ATP2A1: variants seen among roughly 807,000 people sequenced by gnomAD.
The protein encoded by ATP2A1 is sarcoplasmic/endoplasmic reticulum calcium ATPase 1.
A neutral mutation model predicts 109.5 loss-of-function variants in ATP2A1; 83 were observed. The ratio of observed to expected loss-of-function variants is 0.76; its 90% CI spans 0.63 to 0.91. ATP2A1 has a LOEUF of 0.91. Ranked by LOEUF, ATP2A1 falls within the 40% of genes least tolerant of loss-of-function variation. The pLI, the probability that ATP2A1 is intolerant of heterozygous loss-of-function variation, is 0.00. For missense variants in ATP2A1, 1,101 were observed against 1,341.0 expected, an observed-to-expected ratio of 0.82 and a Z score of 2.80; for synonymous variants, 505 against 537.6, an observed-to-expected ratio of 0.94 and a Z score of 0.84.
At chr16:28,895,578 C>T (rs1963898363) in intron 12 of ATP2A1, among the ~76,000 whole-genome samples, 1 of 151,752 alleles carries the variant, frequency 6.6e-6, no homozygotes, top group African/African-American at 2.4e-5. Context: ...ATAGTCCCAG[C>T]ATTCTGGGAG....
intron 3 of ATP2A1, 72 bp downstream of exon 3, chr16:28,879,655 G>A: frequency 6.7e-7 from 1 of 1,495,140 alleles, no homozygotes; most frequent in Non-Finnish European, 9.2e-7. Flanking sequence ...GGGGCTCGCA[G>A]TCACTGGATC....
In ATP2A1 at chr16:28,898,582, A is replaced by G; in HGVS notation, c.1764+131A>G. 3 of 1,079,144 alleles carry G rather than the reference A, an allele frequency of 2.8e-6. No homozygotes were observed. The highest frequency in any genetic ancestry group is 4.1e-6 in the Non-Finnish European group (3 of 736,776). The allele number at this position is 1,079,144 out of a possible 1,614,324, so 66.8% of individuals were successfully genotyped here. ...AGTTGATGGCTCCTTAGTACAGGCCATGGAATCACAGGACAGTAGAGTTTC... is the reference window on the plus strand; with the variant it reads ...AGTTGATGGCTCCTTAGTACAGGCCGTGGAATCACAGGACAGTAGAGTTTC... On this transcript the variant is annotated intron_variant, in intron 14 of 22. Transcript: ENST00000395503. This position sits in a 1 kb window ranked among gnomAD's most constrained non-coding sequence, Gnocchi z 4.0.
intron 9 of ATP2A1, among the ~76,000 whole-genome samples, chr16:28,890,190 T>C (rs1195804838): frequency 1.3e-5 from 2 of 150,032 alleles, no homozygotes; most frequent in African/African-American, 4.9e-5. Context: ...CCAGGGGTGG[T>C]GGCTCACGTC....
intron 3 of ATP2A1, 23 bp downstream of exon 3, chr16:28,879,606 G>T: frequency 6.2e-7 from 1 of 1,611,394 alleles, no homozygotes; most frequent in Middle Eastern, 1.7e-4. Flanking sequence ...GGGTCTCTGG[G>T]GGCTGGCTGG....
In ATP2A1 at chr16:28,882,436, AC is replaced by A; in HGVS notation, c.325-12del. 1 of 1,613,754 alleles carries A rather than the reference AC, an allele frequency of 6.2e-7. No individual in the cohort carries two copies. The highest frequency in any genetic ancestry group is 1.3e-5 in the African/African-American group (1 of 74,926). On this transcript the variant is annotated splice_polypyrimidine_tract_variant and intron_variant, in intron 4 of 22. Transcript: ENST00000395503. ...TCCTGTGTATAACCCTGCCTCCTCC[AC>A]CCTGTCTCCTCAGGAGCGGAACGCA...
chr16:28,878,889 A>C, intron 1 of ATP2A1, 100 bp downstream of exon 1: 1 of 1,428,434 alleles, frequency 7.0e-7, no homozygotes, highest in Non-Finnish European at 9.9e-7. Flanking sequence ...GGGTTTCTTA[A>C]GGAAGAGCTG....
chr16:28,889,096 T>A (rs1388380148), intron 9 of ATP2A1, 143 bp downstream of exon 9: 4 of 1,233,836 alleles, frequency 3.2e-6, no homozygotes, highest in Non-Finnish European at 4.6e-6. Flanking sequence ...TAGAACGCCA[T>A]CCTGTCTGCC....
chr16:28,884,674 G>C lies in ATP2A1; in HGVS notation c.544+19G>C. ...CTGACAGGTCTGCTGGCCTGGGTGG[G>C]AAGATGCATGGGGGTGGGACGTGGG... On this transcript the variant is annotated intron_variant, in intron 6 of 22. Coordinates refer to ENST00000395503, the MANE Select transcript of ATP2A1 (RefSeq NM_004320.6). 6.3e-7 allele frequency: 1 copy of C among 1,584,020 alleles called. No homozygotes were observed. The highest frequency in any genetic ancestry group is 8.6e-7 in the Non-Finnish European group (1 of 1,160,910).
chr16:28,894,312 C>T, intron 10 of ATP2A1, 69 bp downstream of exon 10: 1 of 1,485,182 alleles, frequency 6.7e-7, no homozygotes, highest in Non-Finnish European at 9.3e-7. Flanking sequence ...TCCCTGGGGC[C>T]CTCCATGTGG....
chr16:28,897,695 C>G (rs1334682619), intron 12 of ATP2A1, among the ~76,000 whole-genome samples: 1 of 152,114 alleles, frequency 6.6e-6, no homozygotes, highest in Non-Finnish European at 1.5e-5. Context: ...GTCTCGAACT[C>G]CTGACCTCAA....
Position 28,900,563 on chromosome 16 carries a change from T to C in ATP2A1, c.1765-18T>C. On this transcript the variant is annotated intron_variant, in intron 14 of 22. Coordinates refer to ENST00000395503, the MANE Select transcript of ATP2A1 (RefSeq NM_004320.6). ...CAGATCCCCACCTGACCTGTGGCTCTCTGCTGTATCTCCCCAGACGGACCT... is the reference window on the plus strand; with the variant it reads ...CAGATCCCCACCTGACCTGTGGCTCCCTGCTGTATCTCCCCAGACGGACCT... 1 of 1,538,888 alleles carries C rather than the reference T, an allele frequency of 6.5e-7. No individual in the cohort carries two copies. Among genetic ancestry groups the C allele is most frequent in the Non-Finnish European group, 8.8e-7 (1 of 1,141,224 alleles).
Position 28,887,464 on chromosome 16 carries a change from G to T in ATP2A1, c.670G>T (p.Ala224Ser). 5.0e-6 allele frequency: 8 copies of T among 1,613,994 alleles called. No homozygotes were observed. Among genetic ancestry groups the T allele is most frequent in the African/African-American group, 1.3e-5 (1 of 75,008 alleles). ...AGCCGGCAAGGCCTTGGGCATCGTGGCCACCACTGGTGTGGGCACCGAGAT... is the reference window on the plus strand; with the variant it reads ...AGCCGGCAAGGCCTTGGGCATCGTGTCCACCACTGGTGTGGGCACCGAGAT... ...IAAGKALGIVATTGVGTEIGK... is the reference protein window; with the variant it reads ...IAAGKALGIVSTTGVGTEIGK... Residue 224 changes from alanine to serine, a missense_variant, in exon 8 of 23, where the codon GCC becomes TCC. Ala to Ser is a moderately conservative substitution (Grantham distance 99). Transcript: ENST00000395503.
chr16:28,887,659 T>A lies in ATP2A1; in HGVS notation c.865T>A (p.Phe289Ile). 1 of 1,614,154 alleles carries A rather than the reference T, an allele frequency of 6.2e-7. No individual in the cohort carries two copies. The highest frequency in any genetic ancestry group is 2.2e-5 in the East Asian group (1 of 44,876). Residue 289 changes from phenylalanine to isoleucine, a missense_variant, in exon 8 of 23, where the codon TTC becomes ATC. Coordinates refer to ENST00000395503, the MANE Select transcript of ATP2A1 (RefSeq NM_004320.6). ...CGACCCCGTCCATGGGGGCTCCTGG[T>A]TCCGCGGGGCCATCTACTACTTTAA... ...FNDPVHGGSW[F>I]RGAIYYFKIA...
chr16:28,891,209 T>C (rs1035969101), intron 9 of ATP2A1, among the ~76,000 whole-genome samples: 1 of 151,572 alleles, frequency 6.6e-6, no homozygotes, highest in Non-Finnish European at 1.5e-5. Flanking sequence ...GGCAGGAGAA[T>C]CACTTGAACC....
In ATP2A1 at chr16:28,902,462, CAGGT is replaced by C; in HGVS notation, c.2524+77_2524+80del. The C allele has an allele frequency of 6.3e-7, 1 of 1,576,052 alleles. No individual in the cohort carries two copies. The highest frequency in any genetic ancestry group is 8.7e-7 in the Non-Finnish European group (1 of 1,152,134). ...TCTCTGGGACACCAGCTCCCCCATG[CAGGT>C]GCTGAGAGGGTCTTCTTCCTTGGCC... On this transcript the variant is annotated intron_variant, in intron 17 of 22. Coordinates refer to ENST00000395503, the MANE Select transcript of ATP2A1 (RefSeq NM_004320.6). The surrounding 1 kb of genome is among the most constrained non-coding windows in gnomAD (Gnocchi z 4.8).
chr16:28,887,633 AC>A lies in ATP2A1; in HGVS notation c.840del (p.Asn280LysfsTer54). 1 of 1,614,074 alleles carries A rather than the reference AC, an allele frequency of 6.2e-7. No individual in the cohort carries two copies. The highest frequency in any genetic ancestry group is 8.5e-7 in the Non-Finnish European group (1 of 1,180,004). The part of the protein sequence containing the change: ...AVWLINIGHF[N>X]DPVHGGSWFR... ...TGGCTTATCAACATTGGCCACTTCA[AC>A]GACCCCGTCCATGGGGGCTCCTGGT... On this transcript the variant is annotated frameshift_variant, in exon 8 of 23. Transcript: ENST00000395503. LOFTEE classifies it high-confidence loss of function.
rs543942775 is a variant in ATP2A1, at chr16:28,880,076, C to T, written c.219+493C>T. 4.3e-4 allele frequency: 427 copies of T among 1,000,178 alleles called. No homozygotes were observed. Among genetic ancestry groups the T allele is most frequent in the Non-Finnish European group, 4.9e-4 (414 of 841,626 alleles). 62.0% of individuals were successfully genotyped at this position (1,000,178 alleles called of 1,614,324 possible). On this transcript the variant is annotated intron_variant, in intron 3 of 22. Transcript: ENST00000395503. The surrounding 1 kb of genome is among the most constrained non-coding windows in gnomAD (Gnocchi z 4.2). ...AAAGCGCGGCGGTGTGATGATGACT[C>T]CAAGGAGCCCGGCGCCCGGTCAGGG...
rs749931257 is a variant in ATP2A1 at position 28,900,898 on chromosome 16, C to T, written c.2082C>T (p.Tyr694=). 9.9e-6 allele frequency: 16 copies of T among 1,614,038 alleles called. No individual in the cohort carries two copies. The highest frequency in any genetic ancestry group is 1.3e-5 in the Non-Finnish European group (15 of 1,180,040). The part of the protein sequence containing the change: ...KSKIVEYLQS[Y]DEITAMTGDG... ...AGATTGTGGAGTACCTGCAGTCCTA[C>T]GATGAGATCACAGCCATGGTGAGAG... The change falls in exon 15 of 23, where the codon TAC becomes TAT. Residue 694 remains tyrosine, a synonymous_variant. Transcript: ENST00000395503.
intron 1 of ATP2A1, 101 bp from the exon 2 acceptor site, chr16:28,878,998 C>CCTCAA (rs1963362924): frequency 6.6e-7 from 1 of 1,524,784 alleles, no homozygotes; most frequent in Non-Finnish European, 9.1e-7. Context: ...ACTTGATGAA[C>CCTCAA]CTCAAGGTGG....
Sources: allele counts gnomAD v4.1 joint callset (sites outside exome capture counted in the v4.1 genomes callset), GRCh38; gene constraint gnomAD v4.1.1; non-coding constraint Gnocchi (gnomAD v3.1); transcripts MANE v1.5; gene names NCBI Gene and HGNC (gene_info 2026-07-23, HGNC 2026-07-21).